The following NR2C2 variants were observed in gnomAD, a reference collection of about 807,000 sequenced individuals.
The protein encoded by NR2C2 is nuclear receptor subfamily 2 group C member 2.
NR2C2 carries 6 observed loss-of-function variants against 62.9 expected under a neutral mutation model. That is an observed-to-expected ratio of 0.10 (90% CI 0.05 to 0.19). The LOEUF (loss-of-function observed/expected upper bound fraction) is 0.19. Ranked by LOEUF, NR2C2 falls within the 10% of genes least tolerant of loss-of-function variation. NR2C2 has a pLI of 1.00. For synonymous variants in NR2C2, 272 were observed against 273.8 expected (o/e 0.99, Z 0.07); for missense variants, 479 against 762.7 (o/e 0.63, Z 4.38).
intron 1 of NR2C2, among the ~76,000 whole-genome samples, chr3:14,995,882 G>T (rs1245461378): frequency 6.6e-6 from 1 of 152,206 alleles, no homozygotes; most frequent in Admixed American, 6.6e-5. Context: ...CCTAGAGGGT[G>T]TGAAGTGGTA....
At chr3:15,041,978 T>TTTTTCATGTAATATACAATAACAATACG (rs1208679347) in intron 13 of NR2C2, among the ~76,000 whole-genome samples, 2 of 152,264 alleles carry the variant, frequency 1.3e-5, no homozygotes, top group Non-Finnish European at 2.9e-5. Flanking sequence ...TTTGTAACCT[T>TTTTTCATGTAATATACAATAACAATACG]TTTTCATGTA....
chr3:15,027,811 T>G (rs1049747586), intron 7 of NR2C2, among the ~76,000 whole-genome samples: 2 of 151,916 alleles, frequency 1.3e-5, no homozygotes, highest in African/African-American at 4.8e-5. Flanking sequence ...TTGCCCAGGC[T>G]TGTCTCAAAC....
At chr3:15,008,473 C>T (rs2041254896) in intron 2 of NR2C2, among the ~76,000 whole-genome samples, 1 of 151,446 alleles carries the variant, frequency 6.6e-6, no homozygotes, top group Non-Finnish European at 1.5e-5. Flanking sequence ...AAAGAGCCAA[C>T]ATCGTGCTGC....
chr3:15,042,603 TAAAC>T (rs1373119649), intron 13 of NR2C2: 6 of 401,734 alleles, frequency 1.5e-5, no homozygotes, highest in African/African-American at 4.1e-5. Context: ...AGAGTTGGAA[TAAAC>T]AAGAGTGAAG....
intron 2 of NR2C2, chr3:15,004,711 C>A: frequency 7.3e-7 from 1 of 1,377,560 alleles, no homozygotes; most frequent in Admixed American, 2.2e-5. Context: ...ATCAAAAAGC[C>A]AATTATAACG....
chr3:14,963,167 G>T (rs1430364425), intron 1 of NR2C2, among the ~76,000 whole-genome samples: 1 of 152,198 alleles, frequency 6.6e-6, no homozygotes, highest in Non-Finnish European at 1.5e-5. Context: ...CTTGGTATGT[G>T]CAGGCAACTT....
In NR2C2 at chr3:15,044,925, T is replaced by A. The variant is rs1230138182; in HGVS notation, c.*1917T>A. 6.6e-6 allele frequency: 1 copy of A among 152,228 alleles called. No individual in the cohort carries two copies. The highest frequency in any genetic ancestry group is 1.5e-5 in the Non-Finnish European group (1 of 68,042). 9.4% of individuals were successfully genotyped at this position (152,228 alleles called of 1,614,324 possible). On this transcript the variant is annotated 3_prime_UTR_variant, in exon 14 of 14. Coordinates refer to ENST00000425241, the MANE Select transcript of NR2C2 (RefSeq NM_001291694.2). ...TTCTAAATTCTTGTTTGGATTTAAT[T>A]ATATCATTTTATAATTCTTGCCTTG...
intron 1 of NR2C2, among the ~76,000 whole-genome samples, chr3:14,979,736 G>T (rs2040310247): frequency 6.6e-6 from 1 of 152,130 alleles, no homozygotes; most frequent in African/African-American, 2.4e-5. Context: ...TGGCAGCAGT[G>T]CAGGGAGGGA....
intron 1 of NR2C2, among the ~76,000 whole-genome samples, chr3:14,968,169 A>G (rs1450835295): frequency 1.3e-5 from 2 of 152,252 alleles, no homozygotes; most frequent in African/African-American, 2.4e-5. Context: ...GCTTCTGCAC[A>G]GCGAAAGAAA....
chr3:14,995,900 G>A (rs2040820438), intron 1 of NR2C2, among the ~76,000 whole-genome samples: 1 of 152,096 alleles, frequency 6.6e-6, no homozygotes, highest in Admixed American at 6.6e-5. Context: ...GTATCTTATT[G>A]TGATTTTTAT....
At chr3:14,975,293 C>G (rs954930431) in intron 1 of NR2C2, among the ~76,000 whole-genome samples, 7 of 152,140 alleles carry the variant, frequency 4.6e-5, no homozygotes, top group African/African-American at 1.7e-4. Context: ...TGTTCCTTAT[C>G]TTAGAGGAAA....
intron 1 of NR2C2, among the ~76,000 whole-genome samples, chr3:14,949,043 G>C (rs1254959895): frequency 6.6e-6 from 1 of 152,172 alleles, no homozygotes; most frequent in African/African-American, 2.4e-5. Context: ...AGGGTATTTG[G>C]GGTTTGAGAG....
intron 1 of NR2C2, among the ~76,000 whole-genome samples, chr3:14,957,693 C>T (rs1454312437): frequency 1.3e-5 from 2 of 152,248 alleles, no homozygotes; most frequent in Non-Finnish European, 2.9e-5. Context: ...AGGAAAAACA[C>T]ACTACTTTAA....
intron 1 of NR2C2, among the ~76,000 whole-genome samples, chr3:14,972,731 G>A (rs1281904393): frequency 6.6e-6 from 1 of 152,166 alleles, no homozygotes; most frequent in East Asian, 1.9e-4. Context: ...TGTACAGAGA[G>A]CACGGCAGCA....
At chr3:14,993,113 C>G (rs1574973416) in intron 1 of NR2C2, among the ~76,000 whole-genome samples, 2 of 152,142 alleles carry the variant, frequency 1.3e-5, no homozygotes, top group South Asian at 4.1e-4. Flanking sequence ...ATCCTTTTTA[C>G]CAAACTGACT....
rs772014351 is a variant in NR2C2 at position 15,028,736 on chromosome 3, A to G, written c.932+17A>G. On this transcript the variant is annotated intron_variant, in intron 8 of 13. Transcript: ENST00000425241. The stretch of plus-strand genomic sequence containing the variant: ...GATAACTCGGTACGAGCCCATGAGG[A>G]TGGAGTCTCCCCTCCTCGCCTGGAC... 32 of 1,611,298 alleles carry G rather than the reference A, an allele frequency of 2.0e-5. No individual in the cohort carries two copies. The highest frequency in any genetic ancestry group is 3.3e-4 in the Middle Eastern group (2 of 6,042).
intron 1 of NR2C2, among the ~76,000 whole-genome samples, chr3:14,980,067 A>G (rs565012010): frequency 6.6e-6 from 1 of 152,074 alleles, no homozygotes; most frequent in African/African-American, 2.4e-5. Context: ...TTAGGTGGCC[A>G]TATTATATAC....
chr3:15,002,645 C>CTTTTTTTTTTTTT (rs371981775), intron 1 of NR2C2, among the ~76,000 whole-genome samples: 2 of 39,484 alleles, frequency 5.1e-5, no homozygotes, highest in African/African-American at 1.7e-4. Flanking sequence ...TCACAATATA[C>CTTTTTTTTTTTTT]TTTTTTTTTT....
intron 2 of NR2C2, 103 bp from the exon 3 acceptor site, chr3:15,013,485 TA>T: frequency 2.3e-6 from 2 of 888,110 alleles, no homozygotes; most frequent in East Asian, 5.2e-5. Flanking sequence ...TAGACAGCAT[TA>T]ATTCAAGGAC....
Sources: allele counts gnomAD v4.1 joint callset (sites outside exome capture counted in the v4.1 genomes callset), GRCh38; gene constraint gnomAD v4.1.1; transcripts MANE v1.5; gene names NCBI Gene and HGNC (gene_info 2026-07-23, HGNC 2026-07-21).